SCAP: variants seen among roughly 807,000 people sequenced by gnomAD.
The protein encoded by SCAP is sterol regulatory element-binding protein cleavage-activating protein.
SCAP carries 65 observed loss-of-function variants against 123.6 expected under a neutral mutation model. The ratio of observed to expected loss-of-function variants is 0.53; its 90% CI spans 0.43 to 0.65. SCAP has a LOEUF of 0.65. Ranked by LOEUF, SCAP falls within the 30% of genes least tolerant of loss-of-function variation. The pLI is 0.00. For synonymous variants in SCAP, 740 were observed against 726.3 expected, an observed-to-expected ratio of 1.02 and a Z score of -0.30; for missense variants, 1,398 against 1,712.5, an observed-to-expected ratio of 0.82 and a Z score of 3.24.
intron 1 of SCAP, among the ~76,000 whole-genome samples, chr3:47,445,711 A>G (rs1194526394): frequency 6.6e-6 from 1 of 151,926 alleles, no homozygotes; most frequent in Non-Finnish European, 1.5e-5. Flanking sequence ...AGCTGGGAGC[A>G]CAGGTGCACA....
At position 47,419,190 on chromosome 3, in the gene SCAP, C is replaced by T; in HGVS notation, c.1940+138G>A. 1 of 1,203,450 alleles carries T rather than the reference C, an allele frequency of 8.3e-7. No individual in the cohort carries two copies. The highest frequency in any genetic ancestry group is 1.6e-5 in the South Asian group (1 of 62,892). The allele number at this position is 1,203,450 out of a possible 1,614,324, so 74.5% of individuals were successfully genotyped here. On this transcript the variant is annotated intron_variant, in intron 13 of 22. Transcript: ENST00000265565. The surrounding 1 kb of genome is among the most constrained non-coding windows in gnomAD (Gnocchi z 5.0). The stretch of plus-strand genomic sequence containing the variant: ...TCTCTTGGGTTATAGCTGCCTAAAC[C>T]ACCAGTTCCCACCTCACAACCTTAT...
rs540546282 is a variant in SCAP at position 47,472,291 on chromosome 3, G to A, written c.-99+3508C>T. Among the ~76,000 whole-genome samples, 207 of 150,454 alleles carry A rather than the reference G, an allele frequency of 1.4e-3. No homozygotes were observed. The Middle Eastern group carries it at 0.021, about 15-fold the overall frequency. The stretch of plus-strand genomic sequence containing the variant: ...TACTAAAAATACAAAAAAATTAGCC[G>A]GGCGCGGTGGCGGGCGCCTGTAGTC... On this transcript the variant is annotated intron_variant, in intron 1 of 22. Coordinates refer to ENST00000265565, the MANE Select transcript of SCAP (RefSeq NM_012235.4).
At position 47,439,617 on chromosome 3, in the gene SCAP, A is replaced by T. The variant is rs1706721176; in HGVS notation, c.122+3255T>A. Among the ~76,000 whole-genome samples, 1 of 152,154 alleles carries T rather than the reference A, an allele frequency of 6.6e-6. No homozygotes were observed. On this transcript the variant is annotated intron_variant, in intron 2 of 22. Coordinates refer to ENST00000265565, the MANE Select transcript of SCAP (RefSeq NM_012235.4). The surrounding 1 kb of genome is among the most constrained non-coding windows in gnomAD (Gnocchi z 4.0). ...CTTACCAGGGCAGGTTCAGATTAAC[A>T]GTACCCTCTGTCTTGCTGGGCTGCT... is the stretch of plus-strand genomic sequence containing the variant.
intron 3 of SCAP, among the ~76,000 whole-genome samples, chr3:47,434,609 G>A (rs974539755): frequency 2.0e-5 from 3 of 152,160 alleles, no homozygotes; most frequent in Non-Finnish European, 4.4e-5. Flanking sequence ...AGGCCAAGGC[G>A]GGTAGATCAC....
intron 1 of SCAP, among the ~76,000 whole-genome samples, chr3:47,464,864 T>C (rs527777997): frequency 2.6e-4 from 40 of 152,286 alleles, no homozygotes; most frequent in African/African-American, 9.1e-4. Flanking sequence ...ATCTTACATG[T>C]AGAAAACCCT....
chr3:47,418,262 G>C lies in SCAP; in HGVS notation c.2332-13C>G. 1 of 1,559,094 alleles carries C rather than the reference G, an allele frequency of 6.4e-7. No individual in the cohort carries two copies. The highest frequency in any genetic ancestry group is 1.4e-5 in the African/African-American group (1 of 73,548). ...GGCACTCGATGTCCTGCAGAAGCCC[G>C]GTGTTGGTATGGGCCAGGCTCCGGC... On this transcript the variant is annotated splice_polypyrimidine_tract_variant and intron_variant, in intron 15 of 22. Coordinates refer to ENST00000265565, the MANE Select transcript of SCAP (RefSeq NM_012235.4).
intron 3 of SCAP, 99 bp from the exon 4 acceptor site, chr3:47,428,769 CCA>C: frequency 7.5e-7 from 1 of 1,342,214 alleles, no homozygotes. Flanking sequence ...AAACCGTGCC[CCA>C]CAGAGTTAAA....
chr3:47,438,913 T>G (rs1576284414), intron 2 of SCAP, among the ~76,000 whole-genome samples: 2 of 152,190 alleles, frequency 1.3e-5, no homozygotes, highest in East Asian at 3.9e-4. Context: ...ACTATACATG[T>G]TTTTGGATTC....
At position 47,417,330 on chromosome 3, in the gene SCAP, C is replaced by G. The variant is rs1174482344; in HGVS notation, c.2944G>C (p.Val982Leu). The G allele has an allele frequency of 6.2e-7, 1 of 1,612,032 alleles. No homozygotes were observed. The highest frequency in any genetic ancestry group is 8.5e-7 in the Non-Finnish European group (1 of 1,179,720). The change falls in exon 17 of 23, where the codon GTG becomes CTG. Residue 982 changes from valine to leucine, a missense_variant. By Grantham distance (32) the Val-to-Leu change is conservative. This residue lies in a region of SCAP where 828 missense variants were observed against 882.5 expected (regional missense o/e 0.94). Transcript: ENST00000265565. ...TCCAGCCGGCCGCTGCTCCGCCCCA[C>G]CACGATGAGGTTGCCCTGCAGCTCC... ...SLELQGNLIV[V>L]GRSSGRLEVW...
At chr3:47,428,773 A>G in intron 3 of SCAP, 103 bp from the exon 4 acceptor site, 1 of 1,283,302 alleles carries the variant, frequency 7.8e-7, no homozygotes. Context: ...CGTGCCCCAC[A>G]GAGTTAAAGA....
intron 1 of SCAP, among the ~76,000 whole-genome samples, chr3:47,462,015 C>A (rs530490259): frequency 3.0e-4 from 45 of 152,200 alleles, no homozygotes; most frequent in African/African-American, 1.0e-3. Flanking sequence ...GCCTGGGCGA[C>A]AGAGTGAGAC....
chr3:47,441,933 C>T (rs1706824266), intron 2 of SCAP, among the ~76,000 whole-genome samples: 1 of 130,146 alleles, frequency 7.7e-6, no homozygotes. Flanking sequence ...ATCCTGAACT[C>T]CTGGCCTCAA....
intron 3 of SCAP, among the ~76,000 whole-genome samples, chr3:47,431,673 A>G (rs962651241): frequency 5.3e-5 from 8 of 152,292 alleles, no homozygotes; most frequent in Non-Finnish European, 1.2e-4. Context: ...GGAGAGGAAG[A>G]TCAGCGGTAA....
In SCAP at chr3:47,439,282, A is replaced by C. The variant is rs1415456599; in HGVS notation, c.122+3590T>G. Among the ~76,000 whole-genome samples the C allele has an allele frequency of 6.6e-6, 1 of 151,790 alleles. No homozygotes were observed. The highest frequency in any genetic ancestry group is 1.5e-5 in the Non-Finnish European group (1 of 67,910). ...AAAATAGCCGGACGTGGTGGCTCACACCTGTAATCCCAGCTACTCGGGAGG... is the reference window on the plus strand; with the variant it reads ...AAAATAGCCGGACGTGGTGGCTCACCCCTGTAATCCCAGCTACTCGGGAGG... On this transcript the variant is annotated intron_variant, in intron 2 of 22. Coordinates refer to ENST00000265565, the MANE Select transcript of SCAP (RefSeq NM_012235.4). The surrounding 1 kb of genome is among the most constrained non-coding windows in gnomAD (Gnocchi z 4.0).
intron 1 of SCAP, among the ~76,000 whole-genome samples, chr3:47,475,055 CAGAA>C (rs1025508748): frequency 6.6e-6 from 1 of 152,160 alleles, no homozygotes; most frequent in Admixed American, 6.5e-5. Context: ...ACAAAATCCC[CAGAA>C]AGAGTTTATT....
intron 7 of SCAP, 111 bp from the exon 8 acceptor site, chr3:47,425,722 C>T: frequency 8.0e-7 from 1 of 1,244,834 alleles, no homozygotes; most frequent in Non-Finnish European, 1.1e-6. Flanking sequence ...CTCCTGGTTT[C>T]ACCAAAGGAA....
intron 3 of SCAP, 120 bp from the exon 4 acceptor site, chr3:47,428,790 T>C (rs1023256423): frequency 3.7e-6 from 4 of 1,084,298 alleles, no homozygotes; most frequent in Non-Finnish European, 5.3e-6. Context: ...AAGAAACCAA[T>C]GACTAATACA....
In SCAP at chr3:47,419,044, C is replaced by G. The variant is rs1576253163; in HGVS notation, c.1941-201G>C. Among the ~76,000 whole-genome samples the G allele has an allele frequency of 6.6e-6, 1 of 152,186 alleles. No individual in the cohort carries two copies. The highest frequency in any genetic ancestry group is 1.5e-5 in the Non-Finnish European group (1 of 68,028). ...CAACTTGCTGTCCCAGATACCAGCA[C>G]CCAAACAGCCCTGGTGGCCGTGTGG... On this transcript the variant is annotated intron_variant, in intron 13 of 22. Coordinates refer to ENST00000265565, the MANE Select transcript of SCAP (RefSeq NM_012235.4). This position sits in a 1 kb window ranked among gnomAD's most constrained non-coding sequence, Gnocchi z 5.0.
intron 1 of SCAP, among the ~76,000 whole-genome samples, chr3:47,453,839 C>T (rs1216417794): frequency 6.6e-6 from 1 of 152,076 alleles, no homozygotes; most frequent in Non-Finnish European, 1.5e-5. Flanking sequence ...ACTGAATGCC[C>T]TTTTCCTATC....
Sources: allele counts gnomAD v4.1 joint callset (sites outside exome capture counted in the v4.1 genomes callset), GRCh38; gene constraint gnomAD v4.1.1; regional missense constraint gnomAD v4.1.1; non-coding constraint Gnocchi (gnomAD v3.1); transcripts MANE v1.5; gene names NCBI Gene and HGNC (gene_info 2026-07-23, HGNC 2026-07-21).